Variants in NAALADL2 observed in about 807,000 individuals in gnomAD.
The protein encoded by NAALADL2 is N-acetylated alpha-linked acidic dipeptidase like 2.
NAALADL2 carries 76 observed loss-of-function variants against 87.2 expected under a neutral mutation model. The ratio of observed to expected loss-of-function variants is 0.87; its 90% confidence interval spans 0.72 to 1.05. NAALADL2 has a LOEUF of 1.05. Ranked by LOEUF, NAALADL2 falls within the 50% of genes least tolerant of loss-of-function variation. The pLI, the probability that NAALADL2 is intolerant of heterozygous loss-of-function variation, is 0.00. For missense variants in NAALADL2, 1,089 were observed against 945.8 expected, an observed-to-expected ratio of 1.15 and a Z score of -1.99; for synonymous variants, 354 against 331.0, an observed-to-expected ratio of 1.07 and a Z score of -0.75.
chr3:175,314,485 A>AACAT (rs1159466270), intron 4 of NAALADL2, among the ~76,000 whole-genome samples: 5 of 147,994 alleles, frequency 3.4e-5, no homozygotes, highest in African/African-American at 1.2e-4. Flanking sequence ...ATAAAGAGAG[A>AACAT]ACATAACACA....
chr3:175,355,618 T>G (rs562767349), intron 5 of NAALADL2, among the ~76,000 whole-genome samples: 2 of 152,262 alleles, frequency 1.3e-5, no homozygotes, highest in South Asian at 4.1e-4. Context: ...ACTTTGAAAT[T>G]AGGAACTTTA....
chr3:175,116,746 C>A (rs757054229), intron 2 of NAALADL2, among the ~76,000 whole-genome samples: 36 of 151,248 alleles, frequency 2.4e-4, no homozygotes, highest in Non-Finnish European at 3.1e-4. Flanking sequence ...ACAACAACAA[C>A]AAAAAAACCA....
intron 11 of NAALADL2, among the ~76,000 whole-genome samples, chr3:175,702,374 TA>T (rs949107554): frequency 1.1e-4 from 16 of 152,206 alleles, no homozygotes; most frequent in African/African-American, 3.9e-4. Context: ...TAAGTTCTCC[TA>T]AAAATGATAA....
At chr3:175,471,859 A>T in intron 9 of NAALADL2, 101 bp downstream of exon 9, 1 of 978,532 alleles carries the variant, frequency 1.0e-6, no homozygotes, top group Admixed American at 3.0e-5. Flanking sequence ...AATATGCATC[A>T]AATGTTGTAT....
intron 11 of NAALADL2, among the ~76,000 whole-genome samples, chr3:175,736,294 A>G (rs893368313): frequency 5.9e-5 from 9 of 152,156 alleles, no homozygotes; most frequent in African/African-American, 1.9e-4. Flanking sequence ...TAAAATTTGT[A>G]TTTATTTATT....
rs752274603 is a variant in NAALADL2, at chr3:175,755,267, C to A, written c.2038C>A (p.Arg680=). 1 of 1,613,440 alleles carries A rather than the reference C, an allele frequency of 6.2e-7. No individual in the cohort carries two copies. Among genetic ancestry groups the A allele is most frequent in the Non-Finnish European group, 8.5e-7 (1 of 1,179,728 alleles). The change falls in exon 13 of 14, where the codon CGG becomes AGG. Residue 680 remains arginine, a synonymous_variant. Transcript: ENST00000454872. The stretch of plus-strand genomic sequence containing the variant: ...ACTGTTAGCCATGGCGTTACGCCTG[C>A]GGGAGAGTGCTGAACTTTTTCAGTC... ...HQLLAMALRL[R]ESAELFQSDE...
Position 175,127,607 on chromosome 3 carries a change from AC to A in NAALADL2, c.545+30320del, listed in dbSNP as rs1211740521. On this transcript the variant is annotated intron_variant, in intron 2 of 13. Transcript: ENST00000454872. ...TATCATCTTAATTACACATTTTGTG[AC>A]CCCTTATCTGGAAATATTACTATTA... 2.0e-5 allele frequency among the ~76,000 whole-genome samples: 3 copies of A among 152,100 alleles called. No homozygotes were observed. In the East Asian group the frequency reaches 5.8e-4, roughly 29 times the overall value.
chr3:175,591,972 A>G (rs968037466), intron 10 of NAALADL2, among the ~76,000 whole-genome samples: 18 of 151,864 alleles, frequency 1.2e-4, no homozygotes, highest in Non-Finnish European at 2.6e-4. Context: ...TCAAATGATA[A>G]ATCAGAGAGG....
chr3:174,982,027 C>G (rs1192615657), intron 1 of NAALADL2, among the ~76,000 whole-genome samples: 1 of 152,152 alleles, frequency 6.6e-6, no homozygotes, highest in Non-Finnish European at 1.5e-5. Flanking sequence ...TCAAGGAAAG[C>G]TAGCAAGTCT....
At chr3:175,762,180 G>A (rs578104896) in intron 13 of NAALADL2, among the ~76,000 whole-genome samples, 1 of 99,226 alleles carries the variant, frequency 1.0e-5, no homozygotes, top group South Asian at 3.7e-4. Flanking sequence ...AAAGGATAAG[G>A]TCTGTGTTTC....
intron 3 of NAALADL2, among the ~76,000 whole-genome samples, chr3:174,820,827 A>G (rs1721337281): frequency 6.7e-6 from 1 of 149,490 alleles, no homozygotes; most frequent in Non-Finnish European, 1.5e-5. Context: ...AATATGTGGT[A>G]TATGTTTTTT....
At chr3:174,707,189 T>A (rs1309917031) in intron 2 of NAALADL2, among the ~76,000 whole-genome samples, 1 of 152,204 alleles carries the variant, frequency 6.6e-6, no homozygotes, top group Non-Finnish European at 1.5e-5. Flanking sequence ...ACTTTTACAC[T>A]GTTGATGGGA....
chr3:175,639,935 A>C (rs541792334), intron 11 of NAALADL2, among the ~76,000 whole-genome samples: 1 of 152,266 alleles, frequency 6.6e-6, no homozygotes, highest in East Asian at 1.9e-4. Flanking sequence ...AGACAGTTGG[A>C]TATGCCAGAA....
chr3:174,774,471 C>T (rs1714968188), intron 3 of NAALADL2, among the ~76,000 whole-genome samples: 1 of 152,128 alleles, frequency 6.6e-6, no homozygotes, highest in South Asian at 2.1e-4. Context: ...AAACAACAGC[C>T]TTTAATAATG....
chr3:174,696,095 C>G (rs778915052), intron 2 of NAALADL2, among the ~76,000 whole-genome samples: 1 of 151,990 alleles, frequency 6.6e-6, no homozygotes, highest in African/African-American at 2.4e-5. Context: ...TTTAATCTAC[C>G]TTACTTTTAA....
chr3:175,000,495 G>A (rs1025757219), intron 1 of NAALADL2, among the ~76,000 whole-genome samples: 2 of 152,104 alleles, frequency 1.3e-5, no homozygotes, highest in African/African-American at 2.4e-5. Flanking sequence ...AAGAATTAAC[G>A]TGGTGAAGCC....
chr3:174,804,134 T>G (rs1201332239), intron 3 of NAALADL2, among the ~76,000 whole-genome samples: 2 of 152,176 alleles, frequency 1.3e-5, no homozygotes, highest in African/African-American at 4.8e-5. Flanking sequence ...TTGTGTCCTC[T>G]TTTATTTTGT....
chr3:174,791,638 C>T (rs9876879), intron 3 of NAALADL2, among the ~76,000 whole-genome samples: 68,712 of 151,980 alleles, frequency 0.45, 15,659 homozygotes, highest in African/African-American at 0.48. Context: ...TTTGCATTAA[C>T]ACAGCATTCT....
At chr3:174,849,692 G>T (rs1369141686) in intron 3 of NAALADL2, among the ~76,000 whole-genome samples, 2 of 137,064 alleles carry the variant, frequency 1.5e-5, no homozygotes, top group African/African-American at 2.8e-5. Context: ...CTGAGATCGC[G>T]CCATTGCACT....
Sources: gnomAD v4.1 joint callset for allele counts (sites outside exome capture counted in the v4.1 genomes callset) on GRCh38, gnomAD v4.1.1 for gene constraint, MANE v1.5 for transcripts, NCBI Gene and HGNC (gene_info 2026-07-23, HGNC 2026-07-21) for gene names.